Variants in KLHL13 observed in about 807,000 individuals in gnomAD.
KLHL13 encodes the protein kelch-like protein 13.
KLHL13 carries 10 observed loss-of-function variants against 37.1 expected under a neutral mutation model. The observed-to-expected ratio is 0.27, with a 90% CI of 0.17 to 0.46. The LOEUF is 0.46. Among genes scored for constraint, KLHL13 ranks in the 20% least tolerant of loss-of-function variants. The probability of loss-of-function intolerance (pLI) is 1.00; values close to 1 mark genes in which losing one functional copy is unlikely to be tolerated. For missense variants in KLHL13, 360 were observed against 509.3 expected (o/e 0.71, Z 2.82); for synonymous variants, 163 against 181.2 (o/e 0.90, Z 0.81).
chrX:118,076,935 C>T (rs951154212), intron 1 of KLHL13, among the ~76,000 whole-genome samples: 6 of 108,595 alleles, frequency 5.5e-5, no homozygotes, highest in African/African-American at 2.0e-4. Flanking sequence ...CTCTCCCCTT[C>T]TCTCAACCCC....
chrX:117,978,939 T>A lies in KLHL13; in HGVS notation c.-55-33364A>T, dbSNP rs185012830. On this transcript the variant is annotated intron_variant, in intron 1 of 6. Transcript: ENST00000371882. Reference sequence around the variant, plus strand: ...AATGGTTTTTATTTTATTTTATTTTTTTTATTTTTGAGACAGAGTCTCATT... The same window carrying A: ...AATGGTTTTTATTTTATTTTATTTTATTTATTTTTGAGACAGAGTCTCATT... Among the ~76,000 whole-genome samples the A allele has an allele frequency of 8.9e-3, 988 of 110,732 alleles. 17 individuals carry two copies. The highest frequency in any genetic ancestry group is 0.03 in the African/African-American group (912 of 30,434).
At chrX:118,066,960 G>A (rs967126598) in intron 1 of KLHL13, among the ~76,000 whole-genome samples, 4 of 111,752 alleles carry the variant, frequency 3.6e-5, no homozygotes, top group African/African-American at 1.3e-4. Flanking sequence ...TATATACATA[G>A]AGAGTTTCCA....
chrX:118,111,901 A>AAAAAAG (rs921305843), intron 1 of KLHL13, among the ~76,000 whole-genome samples: 2 of 112,071 alleles, frequency 1.8e-5, no homozygotes, highest in South Asian at 3.7e-4. Flanking sequence ...CTCCGTCTAA[A>AAAAAAG]AAAAAGAAAA....
intron 1 of KLHL13, among the ~76,000 whole-genome samples, chrX:117,962,041 A>AAATAATAATAATAATAAT (rs778789872): frequency 0.011 from 1,124 of 102,304 alleles, 8 homozygotes; most frequent in African/African-American, 0.027. Context: ...TCATCTCTAC[A>AAATAATAATAATAATAAT]AATAATAATA....
At chrX:117,926,274 G>T (rs144774306) in intron 2 of KLHL13, among the ~76,000 whole-genome samples, 114 of 111,574 alleles carry the variant, frequency 1.0e-3, no homozygotes, top group African/African-American at 3.6e-3. Context: ...TCAGACAGAG[G>T]TGCAGGGAGT....
intron 1 of KLHL13, among the ~76,000 whole-genome samples, chrX:118,019,880 G>C (rs1369420272): frequency 9.6e-6 from 1 of 103,916 alleles, no homozygotes; most frequent in Non-Finnish European, 2.0e-5. Flanking sequence ...GTACCATGCT[G>C]TTTTGGTTAC....
chrX:117,904,291 T>C (rs1013475544), intron 5 of KLHL13, among the ~76,000 whole-genome samples: 3 of 111,691 alleles, frequency 2.7e-5, no homozygotes, highest in Admixed American at 9.6e-5. Context: ...AGTATTTTAT[T>C]TTAAAATAAA....
At chrX:118,021,885 C>G (rs1172597363) in intron 1 of KLHL13, among the ~76,000 whole-genome samples, 1 of 111,657 alleles carries the variant, frequency 9.0e-6, no homozygotes, top group African/African-American at 3.3e-5. Context: ...TTCTCCACAT[C>G]CTCTCCAGCA....
At chrX:117,922,182 CTCT>C (rs1931743067) in intron 2 of KLHL13, among the ~76,000 whole-genome samples, 1 of 111,580 alleles carries the variant, frequency 9.0e-6, no homozygotes, top group African/African-American at 3.3e-5. Context: ...GTCACTTCAG[CTCT>C]TTTTTTGTTT....
intron 5 of KLHL13, 120 bp downstream of exon 6, chrX:117,909,181 G>C: frequency 1.6e-6 from 1 of 631,517 alleles, no homozygotes; most frequent in Non-Finnish European, 2.4e-6. Flanking sequence ...CAGAAAAATA[G>C]TTTTAAAATA....
chrX:118,059,501 C>T (rs139399573), intron 1 of KLHL13, among the ~76,000 whole-genome samples: 3 of 111,340 alleles, frequency 2.7e-5, no homozygotes, highest in South Asian at 3.8e-4. Context: ...CCATTTTAAG[C>T]GATTTGGGGG....
rs1420058011 is a variant in KLHL13, at chrX:118,099,015, T to C, written c.-56+17493A>G. 3.0e-5 allele frequency among the ~76,000 whole-genome samples: 3 copies of C among 100,745 alleles called. No individual in the cohort carries two copies. The East Asian group carries it at 9.9e-4, about 33-fold the overall frequency. 87.5% of individuals were successfully genotyped at this position (100,745 alleles called of 115,157 possible). A position where few individuals can be genotyped will look rare whatever the true frequency, so the allele number is the denominator to read the frequency against. On this transcript the variant is annotated intron_variant, in intron 1 of 6. Transcript: ENST00000371882. ...AGGAGAGATACCTAATGCTAAATGA[T>C]GAGTTAATGGGTGCAGCACACCAAC...
At chrX:118,058,150 C>T (rs2054705110) in intron 1 of KLHL13, among the ~76,000 whole-genome samples, 1 of 111,515 alleles carries the variant, frequency 9.0e-6, no homozygotes, top group South Asian at 3.8e-4. Context: ...ACCACCTTAG[C>T]CCTTTAAATT....
At chrX:118,112,548 T>A (rs902836262) in intron 1 of KLHL13, among the ~76,000 whole-genome samples, 2 of 112,153 alleles carry the variant, frequency 1.8e-5, no homozygotes, top group African/African-American at 6.5e-5. Flanking sequence ...ATGCCAGGAA[T>A]AATGCTAAGC....
intron 1 of KLHL13, among the ~76,000 whole-genome samples, chrX:118,085,319 T>A (rs145465213): frequency 0.013 from 1,422 of 110,976 alleles, 12 homozygotes; most frequent in Non-Finnish European, 0.019. Flanking sequence ...ATATAACATG[T>A]CTAGAATAAG....
intron 1 of KLHL13, among the ~76,000 whole-genome samples, chrX:118,053,585 A>G (rs1229989338): frequency 1.8e-5 from 2 of 110,359 alleles, no homozygotes; most frequent in Non-Finnish European, 3.8e-5. Flanking sequence ...GCACATGCAT[A>G]CATATGTAAT....
chrX:118,065,943 T>C (rs2054790128), intron 1 of KLHL13, among the ~76,000 whole-genome samples: 1 of 111,928 alleles, frequency 8.9e-6, no homozygotes. Flanking sequence ...TCTGACAACA[T>C]AGCTGATAGT....
chrX:117,970,954 C>T (rs2053513496), intron 1 of KLHL13, among the ~76,000 whole-genome samples: 2 of 111,735 alleles, frequency 1.8e-5, no homozygotes, highest in Non-Finnish European at 1.9e-5. Flanking sequence ...ATGTGTACTA[C>T]CAACAACCAA....
At chrX:118,093,703 C>T (rs1173248040) in intron 1 of KLHL13, among the ~76,000 whole-genome samples, 2 of 111,263 alleles carry the variant, frequency 1.8e-5, no homozygotes, top group African/African-American at 6.5e-5. Flanking sequence ...CTTATTAGTA[C>T]ATTCAACAGC....
Sources: gnomAD v4.1 joint callset for allele counts (sites outside exome capture counted in the v4.1 genomes callset) on GRCh38, gnomAD v4.1.1 for gene constraint, MANE v1.5 for transcripts, NCBI Gene and HGNC (gene_info 2026-07-23, HGNC 2026-07-21) for gene names.